The following TM6SF2 variants were observed in gnomAD, a reference collection of about 807,000 sequenced individuals.
TM6SF2 encodes the protein transmembrane 6 superfamily member 2.
TM6SF2 carries 29 observed loss-of-function variants against 41.0 expected under a neutral mutation model. The observed-to-expected ratio is 0.71, with a 90% CI of 0.53 to 0.96. The LOEUF (loss-of-function observed/expected upper bound fraction) is 0.96. Ranked by LOEUF, TM6SF2 falls within the 50% of genes least tolerant of loss-of-function variation. The pLI is 0.00. For missense variants in TM6SF2, 475 were observed against 499.0 expected, an observed-to-expected ratio of 0.95 and a Z score of 0.46; for synonymous variants, 200 against 209.1, an observed-to-expected ratio of 0.96 and a Z score of 0.37.
rs534362393 is a variant in TM6SF2 at position 19,270,770 on chromosome 19, C to T, written c.199+252G>A. ...TCTCAAAGTGATGAGGCAGTATACT[C>T]TTTTTCAGGAGCTTCTAATCTGATG... On this transcript the variant is annotated intron_variant, in intron 2 of 9. Transcript: ENST00000389363. Among the ~76,000 whole-genome samples the T allele has an allele frequency of 7.2e-5, 11 of 152,314 alleles. No individual in the cohort carries two copies. The South Asian group carries it at 2.3e-3, about 32-fold the overall frequency.
intron 8 of TM6SF2, among the ~76,000 whole-genome samples, 169 bp downstream of exon 8, chr19:19,267,452 A>G (rs1599836775): frequency 6.6e-6 from 1 of 151,980 alleles, no homozygotes; most frequent in Admixed American, 6.5e-5. Context: ...CACCTTGAGC[A>G]CCTGGATCCA....
chr19:19,265,108 C>A (rs1044465109), intron 9 of TM6SF2, among the ~76,000 whole-genome samples: 1 of 142,886 alleles, frequency 7.0e-6, no homozygotes, highest in Non-Finnish European at 1.5e-5. Flanking sequence ...GTGGTGCAAT[C>A]TCGGTTCACT....
intron 1 of TM6SF2, 125 bp from the exon 2 acceptor site, chr19:19,271,250 T>A: frequency 1.3e-6 from 1 of 752,484 alleles, no homozygotes; most frequent in Non-Finnish European, 2.4e-6. Context: ...TGTCTGTTCA[T>A]CCATCAATGC....
chr19:19,272,473 A>G (rs944445504), intron 1 of TM6SF2, among the ~76,000 whole-genome samples: 3 of 152,192 alleles, frequency 2.0e-5, no homozygotes, highest in Non-Finnish European at 4.4e-5. Context: ...GCTCATGGTT[A>G]AGACTCTCTC....
chr19:19,268,158 A>T, intron 6 of TM6SF2, 71 bp from the exon 7 acceptor site: 2 of 1,025,150 alleles, frequency 2.0e-6, no homozygotes, highest in Non-Finnish European at 2.9e-6. Context: ...TACTCAATAA[A>T]GGTTCCTAAG....
chr19:19,268,207 T>TC, intron 6 of TM6SF2, 120 bp from the exon 7 acceptor site: 1 of 699,350 alleles, frequency 1.4e-6, no homozygotes, highest in East Asian at 2.9e-5. Context: ...TTTTCTTTTT[T>TC]CTTTTTTTTT....
In TM6SF2 at chr19:19,272,405, A is replaced by G. The variant is rs543204933; in HGVS notation, c.95+716T>C. On this transcript the variant is annotated intron_variant, in intron 1 of 9. Coordinates refer to ENST00000389363, the MANE Select transcript of TM6SF2 (RefSeq NM_001001524.3). ...TGAGGGAACTGAGGCTCCCAGAGGAACTTGGCTCACCCAGGATCCCAGGAG... is the reference window on the plus strand; with the variant it reads ...TGAGGGAACTGAGGCTCCCAGAGGAGCTTGGCTCACCCAGGATCCCAGGAG... Among the ~76,000 whole-genome samples, 6 of 152,340 alleles carry G rather than the reference A, an allele frequency of 3.9e-5. No individual in the cohort carries two copies. The South Asian group carries it at 1.2e-3, about 32-fold the overall frequency.
In TM6SF2 at chr19:19,271,017, C is replaced by T. The variant is rs767198313; in HGVS notation, c.199+5G>A. On this transcript the variant is annotated splice_donor_5th_base_variant and intron_variant, in intron 2 of 9. Transcript: ENST00000389363. ...CTTCTTCCCCACAGCTTCCCACTGA[C>T]TCACCAGCATAGAGTGGGTCATAGG... is the stretch of plus-strand genomic sequence containing the variant. 5.6e-6 allele frequency: 9 copies of T among 1,613,322 alleles called. 1 individual carries two copies. Among genetic ancestry groups the T allele is most frequent in the Non-Finnish European group, 6.8e-6 (8 of 1,179,240 alleles).
At position 19,266,518 on chromosome 19, in the gene TM6SF2, G is replaced by C. The variant is rs2061003472; in HGVS notation, c.896C>G (p.Ala299Gly). 2 of 1,613,896 alleles carry C rather than the reference G, an allele frequency of 1.2e-6. No individual in the cohort carries two copies. The highest frequency in any genetic ancestry group is 3.3e-5 in the Admixed American group (2 of 59,998). Reference protein sequence around the residue: ...FPGCSWLPDWALVFAGGIGQA... With the variant: ...FPGCSWLPDWGLVFAGGIGQA... The stretch of plus-strand genomic sequence containing the variant: ...GCCGATGCCTCCAGCAAACACCAAG[G>C]CCCAGTCTGGAAGCCAGGAGCAACC... Residue 299 changes from alanine (A) to glycine (G), a missense_variant, in exon 9 of 10, where the codon GCC becomes GGC. Ala to Gly is a moderately conservative substitution (Grantham distance 60). Coordinates refer to ENST00000389363, the MANE Select transcript of TM6SF2 (RefSeq NM_001001524.3).
At position 19,270,217 on chromosome 19, in the gene TM6SF2, AAC is replaced by A. The variant is rs1376661098; in HGVS notation, c.355_356del (p.Val119SerfsTer99). The A allele has an allele frequency of 6.2e-7, 1 of 1,614,154 alleles. No homozygotes were observed. The highest frequency in any genetic ancestry group is 2.2e-5 in the East Asian group (1 of 44,886). On this transcript the variant is annotated frameshift_variant, in exon 4 of 10. Coordinates refer to ENST00000389363, the MANE Select transcript of TM6SF2 (RefSeq NM_001001524.3). LOFTEE classifies it high-confidence loss of function. ...GVFICYWDGT[V>X]HYLLYLAMAG... ...CCATGGCCAGGTAGAGGAGGTAGTGAACAGTGCCATCCCAGTAGCAGATGAAG... is the reference window on the plus strand; with the variant it reads ...CCATGGCCAGGTAGAGGAGGTAGTGAAGTGCCATCCCAGTAGCAGATGAAG...
In TM6SF2 at chr19:19,264,599, C is replaced by T. The variant is rs535554849; in HGVS notation, c.*65G>A. ...TCCTGTCTCTAAAACACCCAACCCC[C>T]GCTTCCCCAGGTAGGGCTGACTGGG... On this transcript the variant is annotated 3_prime_UTR_variant, in exon 10 of 10. Transcript: ENST00000389363. 227 of 1,335,458 alleles carry T rather than the reference C, an allele frequency of 1.7e-4. No individual in the cohort carries two copies. Among genetic ancestry groups the T allele is most frequent in the Non-Finnish European group, 2.0e-4 (209 of 1,024,494 alleles). 82.7% of individuals were successfully genotyped at this position (1,335,458 alleles called of 1,614,324 possible).
intron 1 of TM6SF2, 145 bp from the exon 2 acceptor site, chr19:19,271,270 A>C: frequency 1.5e-6 from 1 of 688,812 alleles, no homozygotes; most frequent in Non-Finnish European, 2.6e-6. Flanking sequence ...CTGTTCCCTG[A>C]AACTGCTCTC....
intron 9 of TM6SF2, 104 bp downstream of exon 9, chr19:19,266,386 T>G: frequency 6.7e-7 from 1 of 1,499,518 alleles, no homozygotes; most frequent in Non-Finnish European, 9.0e-7. Context: ...TGGGGCCTCT[T>G]GGGGGCTCAT....
chr19:19,271,522 C>CTT, intron 1 of TM6SF2, among the ~76,000 whole-genome samples: 1 of 150,494 alleles, frequency 6.6e-6, no homozygotes, highest in Non-Finnish European at 1.5e-5. Flanking sequence ...TTTTCTTTTT[C>CTT]TTTCTTTCTC....
intron 8 of TM6SF2, 67 bp downstream of exon 8, chr19:19,267,554 C>A: frequency 8.0e-7 from 1 of 1,246,790 alleles, no homozygotes; most frequent in Non-Finnish European, 1.1e-6. Flanking sequence ...CTGGCACCTG[C>A]TTCAAAGAGG....
chr19:19,273,200 G>C lies in TM6SF2; in HGVS notation c.16C>G (p.Leu6Val). The C allele has an allele frequency of 6.9e-7, 1 of 1,447,816 alleles. No homozygotes were observed. Among genetic ancestry groups the C allele is most frequent in the Non-Finnish European group, 9.1e-7 (1 of 1,103,284 alleles). 89.7% of individuals were successfully genotyped at this position (1,447,816 alleles called of 1,614,324 possible). Reference protein sequence around the residue: MDIPPLAGKIAALSLS... With the variant: MDIPPVAGKIAALSLS... ...GACAGCGCCGCGATCTTGCCGGCCA[G>C]CGGCGGGATGTCCATAGCGGCGGCT... is the stretch of plus-strand genomic sequence containing the variant. The change falls in exon 1 of 10, where the codon CTG (leucine) becomes GTG (valine). Residue 6 changes from leucine (L) to valine (V), a missense_variant. Transcript: ENST00000389363.
chr19:19,269,380 A>C (rs2061014766), intron 5 of TM6SF2, among the ~76,000 whole-genome samples: 1 of 152,080 alleles, frequency 6.6e-6, no homozygotes, highest in Non-Finnish European at 1.5e-5. Flanking sequence ...CCTACCCCTG[A>C]AGCTTTCACC....
intron 1 of TM6SF2, 144 bp downstream of exon 1, chr19:19,272,977 C>T: frequency 1.7e-6 from 1 of 586,178 alleles, no homozygotes; most frequent in Non-Finnish European, 2.7e-6. Context: ...CCAATCCTGC[C>T]GGGTCGGAGC....
In TM6SF2 at chr19:19,264,508, G is replaced by T; in HGVS notation, c.*156C>A. The T allele has an allele frequency of 3.8e-6, 2 of 523,648 alleles. No individual in the cohort carries two copies. Among genetic ancestry groups the T allele is most frequent in the Non-Finnish European group, 3.0e-6 (1 of 331,490 alleles). The allele number at this position is 523,648 out of a possible 1,614,324, so 32.4% of individuals were successfully genotyped here. A position where few individuals can be genotyped will look rare whatever the true frequency, so the allele number is the denominator to read the frequency against. On this transcript the variant is annotated 3_prime_UTR_variant, in exon 10 of 10. Transcript: ENST00000389363. ...CTCCTTGCAGGAACACTTGGTCGTT[G>T]GTCTCCATCCCACCCACTGGACTGA...
Sources: allele counts gnomAD v4.1 joint callset (sites outside exome capture counted in the v4.1 genomes callset), GRCh38; gene constraint gnomAD v4.1.1; transcripts MANE v1.5; gene names NCBI Gene and HGNC (gene_info 2026-07-23, HGNC 2026-07-21).